Variants in KCNQ5 observed in about 807,000 individuals in gnomAD.
The protein encoded by KCNQ5 is potassium voltage-gated channel subfamily Q member 5, also known as potassium voltage-gated channel subfamily KQT member 5.
Under a neutral mutation model 98.2 loss-of-function variants are expected in KCNQ5, and 30 were observed. The ratio of observed to expected loss-of-function variants is 0.31; its 90% CI spans 0.23 to 0.41. The LOEUF is 0.41. Ranked by LOEUF, KCNQ5 falls within the 10% of genes least tolerant of loss-of-function variation. The pLI, the probability that KCNQ5 is intolerant of heterozygous loss-of-function variation, is 1.00. For missense variants in KCNQ5, 835 were observed against 1,182.5 expected, an observed-to-expected ratio of 0.71 and a Z score of 4.31; for synonymous variants, 458 against 449.4, an observed-to-expected ratio of 1.02 and a Z score of -0.24.
intron 1 of KCNQ5, among the ~76,000 whole-genome samples, chr6:72,910,974 A>G (rs947830203): frequency 6.6e-6 from 1 of 152,152 alleles, no homozygotes; most frequent in Non-Finnish European, 1.5e-5. Flanking sequence ...AAGCTCACAC[A>G]CAGGGCCTGT....
intron 1 of KCNQ5, among the ~76,000 whole-genome samples, chr6:72,844,352 T>G (rs1463095185): frequency 6.6e-6 from 1 of 152,186 alleles, no homozygotes; most frequent in Admixed American, 6.5e-5. Context: ...CTTTTCTTTG[T>G]TTTTCCCCTT....
intron 1 of KCNQ5, among the ~76,000 whole-genome samples, chr6:72,623,832 A>T (rs1445199266): frequency 6.6e-6 from 1 of 152,222 alleles, no homozygotes; most frequent in East Asian, 1.9e-4. Context: ...TTTAGAAATA[A>T]GTTATGTCAT....
chr6:72,957,091 T>C (rs903939219), intron 1 of KCNQ5, among the ~76,000 whole-genome samples: 2 of 151,216 alleles, frequency 1.3e-5, no homozygotes, highest in African/African-American at 2.4e-5. Flanking sequence ...CTTGTGGGTC[T>C]GGGTTTTCTA....
chr6:72,803,401 CAT>C (rs1050532439), intron 1 of KCNQ5, among the ~76,000 whole-genome samples: 2 of 152,156 alleles, frequency 1.3e-5, no homozygotes, highest in Non-Finnish European at 2.9e-5. Flanking sequence ...AATTGCCAAA[CAT>C]ATAAATTTCT....
At chr6:72,639,172 G>T (rs1192236379) in intron 1 of KCNQ5, among the ~76,000 whole-genome samples, 1 of 152,142 alleles carries the variant, frequency 6.6e-6, no homozygotes, top group Non-Finnish European at 1.5e-5. Flanking sequence ...GGGAATACTG[G>T]CATCTTGGGA....
At position 73,124,463 on chromosome 6, in the gene KCNQ5, C is replaced by T. The variant is rs767622519; in HGVS notation, c.1221-23C>T. The T allele has an allele frequency of 1.2e-5, 20 of 1,612,408 alleles. No homozygotes were observed. In the East Asian group the frequency reaches 2.9e-4, roughly 23 times the overall value. On this transcript the variant is annotated intron_variant, in intron 8 of 13. Coordinates refer to ENST00000370398, the MANE Select transcript of KCNQ5 (RefSeq NM_019842.4). ...TATTCACTGGTTTATCATCATTTCT[C>T]TTCTGCCTGCACGCACCTGAAGGAA...
chr6:72,784,166 A>C (rs571753590), intron 1 of KCNQ5, among the ~76,000 whole-genome samples: 1 of 152,168 alleles, frequency 6.6e-6, no homozygotes, highest in Non-Finnish European at 1.5e-5. Flanking sequence ...GCTGTGATGG[A>C]CACTCTTTCC....
At chr6:73,112,503 G>A (rs1582380985) in intron 7 of KCNQ5, among the ~76,000 whole-genome samples, 1 of 151,990 alleles carries the variant, frequency 6.6e-6, no homozygotes, top group African/African-American at 2.4e-5. Context: ...CCGCCACCGC[G>A]CCCGGCTAAT....
chr6:72,907,566 A>G lies in KCNQ5; in HGVS notation c.399-96342A>G, dbSNP rs144845907. Among the ~76,000 whole-genome samples the G allele has an allele frequency of 2.7e-3, 409 of 152,190 alleles. 4 individuals carry two copies. The highest frequency in any genetic ancestry group is 0.02 in the East Asian group (106 of 5,188). On this transcript the variant is annotated intron_variant, in intron 1 of 13. Transcript: ENST00000370398. ...AAATTGTGGCTATTTATCTTACTATAAGTAAAAGGAGCTTGGTGTTTATTT... is the reference window on the plus strand; with the variant it reads ...AAATTGTGGCTATTTATCTTACTATGAGTAAAAGGAGCTTGGTGTTTATTT...
At chr6:72,851,666 C>A (rs999819225) in intron 1 of KCNQ5, among the ~76,000 whole-genome samples, 2 of 152,106 alleles carry the variant, frequency 1.3e-5, no homozygotes, top group Non-Finnish European at 2.9e-5. Context: ...TGAGTCCCAT[C>A]AACTTCTCTC....
chr6:72,635,304 A>C (rs1373086676), intron 1 of KCNQ5, among the ~76,000 whole-genome samples: 1 of 152,158 alleles, frequency 6.6e-6, no homozygotes, highest in African/African-American at 2.4e-5. Context: ...TGCTGGGATT[A>C]TAGGAATGAG....
At chr6:72,645,204 C>CAAAAAAAAAAA (rs771967081) in intron 1 of KCNQ5, among the ~76,000 whole-genome samples, 12 of 117,138 alleles carry the variant, frequency 1.0e-4, no homozygotes, top group Admixed American at 2.6e-4. Flanking sequence ...ACCTTGTCAC[C>CAAAAAAAAAAA]AAAAAAAAAC....
chr6:72,970,539 T>C (rs1309000278), intron 1 of KCNQ5, among the ~76,000 whole-genome samples: 1 of 152,014 alleles, frequency 6.6e-6, no homozygotes, highest in Non-Finnish European at 1.5e-5. Flanking sequence ...AATTTGGCTT[T>C]ATAAGAGGTA....
At chr6:72,628,187 A>C (rs186327264) in intron 1 of KCNQ5, among the ~76,000 whole-genome samples, 1 of 152,324 alleles carries the variant, frequency 6.6e-6, no homozygotes, top group East Asian at 1.9e-4. Context: ...TCCACAGAGG[A>C]GCTTCAGGGT....
chr6:72,704,646 A>G (rs903934128), intron 1 of KCNQ5, among the ~76,000 whole-genome samples: 1 of 151,908 alleles, frequency 6.6e-6, no homozygotes, highest in Non-Finnish European at 1.5e-5. Flanking sequence ...ATAAAAAAAA[A>G]AGTTACTTCC....
chr6:72,778,242 T>C (rs975959501), intron 1 of KCNQ5, among the ~76,000 whole-genome samples: 5 of 152,188 alleles, frequency 3.3e-5, no homozygotes, highest in Non-Finnish European at 7.4e-5. Context: ...AACATAAGCA[T>C]GTACTGTATA....
At chr6:72,716,998 C>T (rs1342353400) in intron 1 of KCNQ5, among the ~76,000 whole-genome samples, 1 of 152,144 alleles carries the variant, frequency 6.6e-6, no homozygotes, top group African/African-American at 2.4e-5. Context: ...AGTTTGCATT[C>T]TAATGGAGGG....
intron 1 of KCNQ5, among the ~76,000 whole-genome samples, chr6:72,962,886 T>C (rs1767440672): frequency 6.6e-6 from 1 of 152,178 alleles, no homozygotes; most frequent in Non-Finnish European, 1.5e-5. Flanking sequence ...ATCTTTCATT[T>C]AGGAATTTTG....
intron 2 of KCNQ5, among the ~76,000 whole-genome samples, chr6:73,039,855 A>G (rs1771610118): frequency 3.3e-5 from 5 of 152,188 alleles, no homozygotes; most frequent in Non-Finnish European, 7.3e-5. Context: ...AATAGTTCAC[A>G]TACTTGTTAA....
Sources: allele counts gnomAD v4.1 joint callset (sites outside exome capture counted in the v4.1 genomes callset), GRCh38; gene constraint gnomAD v4.1.1; transcripts MANE v1.5; gene names NCBI Gene and HGNC (gene_info 2026-07-23, HGNC 2026-07-21).